The following NHERF2 variants were observed in gnomAD, a reference collection of about 807,000 sequenced individuals.
NHERF2 encodes the protein Na(+)/H(+) exchange regulatory cofactor NHE-RF2.
At chr16:2,028,398 G>C in the NHERF2 span, among the ~76,000 whole-genome samples, 1 of 152,324 alleles carries the variant, frequency 6.6e-6, no homozygotes, top group East Asian at 1.9e-4. Flanking sequence ...CTGTTGGATA[G>C]TCACTGCCAC....
At chr16:2,038,410 TTCCCCTCC>T in the NHERF2 span, 3 of 50,836 alleles carry the variant, frequency 5.9e-5, no homozygotes, top group South Asian at 6.8e-4. Flanking sequence ...ACCCCCCCCC[TTCCCCTCC>T]CCCTTCCCCT....
chr16:2,031,446 G>T, the NHERF2 span, among the ~76,000 whole-genome samples: 1 of 152,210 alleles, frequency 6.6e-6, no homozygotes, highest in Non-Finnish European at 1.5e-5. Context: ...GGACACAAAC[G>T]CATGGTTCAC....
At chr16:2,037,459 G>GT in the NHERF2 span, 2,442 of 1,241,574 alleles carry the variant, frequency 2.0e-3, 5 homozygotes, top group Middle Eastern at 5.7e-3. Context: ...ACTGGGGGGG[G>GT]GTGTGCCTCT....
chr16:2,036,814 C>T, the NHERF2 span: 60 of 1,613,098 alleles, frequency 3.7e-5, no homozygotes, highest in East Asian at 8.9e-5. Context: ...GGCTGCTGGT[C>T]GTGGACCCCG....
the NHERF2 span, among the ~76,000 whole-genome samples, chr16:2,029,113 GAC>G: frequency 6.6e-6 from 1 of 152,228 alleles, no homozygotes; most frequent in Admixed American, 6.5e-5. Flanking sequence ...AATGGGCACA[GAC>G]ACACTCAAAC....
At chr16:2,036,755 C>T in the NHERF2 span, 42 of 1,612,990 alleles carry the variant, frequency 2.6e-5, 1 homozygote, top group Middle Eastern at 1.6e-4. Flanking sequence ...GGAGGGACTG[C>T]GCCATGCTGA....
At chr16:2,035,674 C>A in the NHERF2 span, 1 of 985,608 alleles carries the variant, frequency 1.0e-6, no homozygotes, top group East Asian at 1.1e-4. Flanking sequence ...GGCCCAGAGC[C>A]CTACCGCAGG....
At chr16:2,027,926 C>G in the NHERF2 span, among the ~76,000 whole-genome samples, 3 of 152,220 alleles carry the variant, frequency 2.0e-5, no homozygotes. Context: ...TCCTTAGCTA[C>G]AAAGGCACTA....
Sources: allele counts gnomAD v4.1 joint callset (sites outside exome capture counted in the v4.1 genomes callset), GRCh38; gene constraint gnomAD v4.1.1; transcripts MANE v1.5; gene names NCBI Gene and HGNC (gene_info 2026-07-23, HGNC 2026-07-21).